URB1: variants seen among roughly 807,000 people sequenced by gnomAD.
URB1 encodes the protein nucleolar pre-ribosomal-associated protein 1.
In URB1, 197 loss-of-function variants were observed where a neutral mutation model predicts 242.3. The observed-to-expected ratio is 0.81, with a 90% CI of 0.72 to 0.91. URB1 has a LOEUF of 0.91. URB1 is among the 40% of genes least tolerant of loss of function. The pLI is 0.00. For synonymous variants in URB1, 1,153 were observed against 1,201.8 expected, an observed-to-expected ratio of 0.96 and a Z score of 0.84; for missense variants, 2,721 against 2,860.5, an observed-to-expected ratio of 0.95 and a Z score of 1.11.
In URB1 at chr21:32,338,761, G is replaced by A. The variant is rs1460110472; in HGVS notation, c.4456C>T (p.Leu1486=). The A allele has an allele frequency of 6.4e-7, 1 of 1,551,590 alleles. No individual in the cohort carries two copies. Among genetic ancestry groups the A allele is most frequent in the African/African-American group, 1.4e-5 (1 of 73,034 alleles). Residue 1486 remains leucine (L), a synonymous_variant, in exon 26 of 39, where the codon CTG becomes TTG. Coordinates refer to ENST00000382751, the MANE Select transcript of URB1 (RefSeq NM_014825.3). The part of the protein sequence containing the change: ...YVMLMQHSLF[L]PTLLTSDGEE... ...CCGTCAGACGTCAGTAGAGTCGGCA[G>A]AAACAGCGAGTGCTGCATGAGCATC...
In URB1 at chr21:32,366,667, G is replaced by T. The variant is rs2033350400; in HGVS notation, c.1286C>A (p.Thr429Asn). 3 of 1,551,382 alleles carry T rather than the reference G, an allele frequency of 1.9e-6. No individual in the cohort carries two copies. The African/African-American group carries it at 4.1e-5, about 21-fold the overall frequency. ...LPRLLAMVMV[T>N]TVPLVCNKSM... ...CTTATTGCACACCAGGGGCACGGTG[G>T]TCACCATCACCATTGCCAGGAGCCG... is the stretch of plus-strand genomic sequence containing the variant. The change falls in exon 10 of 39, where the codon ACC becomes AAC. Residue 429 changes from threonine (T) to asparagine (N), a missense_variant. Coordinates refer to ENST00000382751, the MANE Select transcript of URB1 (RefSeq NM_014825.3).
rs777077799 is a variant in URB1, at chr21:32,311,965, C to T, written c.*2953G>A. ...AGGAGCAAGCCCAGCGAGCCTCCCCCTGGAGACAGGACCTCTCAATTGCAG... is the reference window on the plus strand; with the variant it reads ...AGGAGCAAGCCCAGCGAGCCTCCCCTTGGAGACAGGACCTCTCAATTGCAG... On this transcript the variant is annotated 3_prime_UTR_variant, in exon 39 of 39. Coordinates refer to ENST00000382751, the MANE Select transcript of URB1 (RefSeq NM_014825.3). 1 of 1,613,494 alleles carries T rather than the reference C, an allele frequency of 6.2e-7. No individual in the cohort carries two copies. The highest frequency in any genetic ancestry group is 1.7e-5 in the Admixed American group (1 of 60,034).
chr21:32,312,209 G>A lies in URB1; in HGVS notation c.*2709C>T. The A allele has an allele frequency of 6.8e-7, 1 of 1,481,308 alleles. No individual in the cohort carries two copies. The highest frequency in any genetic ancestry group is 8.9e-7 in the Non-Finnish European group (1 of 1,117,948). The allele number at this position is 1,481,308 out of a possible 1,614,324, so 91.8% of individuals were successfully genotyped here. On this transcript the variant is annotated 3_prime_UTR_variant, in exon 39 of 39. Transcript: ENST00000382751. ...TCCCAGGTGTTGCTGAGTTTATTGA[G>A]CACACCTAGCCTGCTTGCTTACTGC...
chr21:32,320,423 G>T, intron 35 of URB1, 108 bp downstream of exon 35: 1 of 829,172 alleles, frequency 1.2e-6, no homozygotes. Flanking sequence ...CAGAGAGCAT[G>T]GATTTTACTG....
rs535953099 is a variant in URB1, at chr21:32,373,668, A to G, written c.855T>C (p.Asp285=). 3.2e-6 allele frequency: 5 copies of G among 1,540,176 alleles called. No homozygotes were observed. Among genetic ancestry groups the G allele is most frequent in the Non-Finnish European group, 1.7e-6 (2 of 1,143,528 alleles). ...ASLYNWNGIT[D]VNPENVKVSA... The stretch of plus-strand genomic sequence containing the variant: ...GCACCTTGACATTTTCTGGGTTCAC[A>G]TCGGTAATCCCATTCCAGTTGTACA... The change falls in exon 7 of 39, where the codon GAT becomes GAC. Residue 285 remains aspartate, a synonymous_variant. Coordinates refer to ENST00000382751, the MANE Select transcript of URB1 (RefSeq NM_014825.3).
chr21:32,372,779 A>C (rs1156658484), intron 7 of URB1, 148 bp from the exon 8 acceptor site: 1 of 967,182 alleles, frequency 1.0e-6, no homozygotes, highest in African/African-American at 1.7e-5. Context: ...ATAAATGAAA[A>C]CAACAACAAA....
chr21:32,366,652 A>C lies in URB1; in HGVS notation c.1301T>G (p.Val434Gly), dbSNP rs546702302. The C allele has an allele frequency of 2.1e-5, 33 of 1,551,480 alleles. No homozygotes were observed. In the South Asian group the frequency reaches 3.8e-4, roughly 18 times the overall value. Residue 434 changes from valine (V) to glycine (G), a missense_variant, in exon 10 of 39, where the codon GTG becomes GGG. Coordinates refer to ENST00000382751, the MANE Select transcript of URB1 (RefSeq NM_014825.3). The stretch of plus-strand genomic sequence containing the variant: ...TTGGGTGAACATGCTCTTATTGCAC[A>C]CCAGGGGCACGGTGGTCACCATCAC... ...AMVMVTTVPL[V>G]CNKSMFTQAL...
At chr21:32,337,569 C>T (rs1188182560) in intron 26 of URB1, 55 bp from the exon 27 acceptor site, 14 of 1,443,154 alleles carry the variant, frequency 9.7e-6, no homozygotes, top group Non-Finnish European at 1.2e-5. Context: ...ACACTGAATA[C>T]CAGAAGAGGA....
At chr21:32,321,290 C>T (rs774403304) in intron 34 of URB1, among the ~76,000 whole-genome samples, 1 of 152,188 alleles carries the variant, frequency 6.6e-6, no homozygotes, top group Non-Finnish European at 1.5e-5. Context: ...TTAGAAGGTA[C>T]ACACACCAGC....
intron 4 of URB1, among the ~76,000 whole-genome samples, chr21:32,382,594 C>T (rs1234603360): frequency 6.6e-6 from 1 of 152,122 alleles, no homozygotes; most frequent in East Asian, 1.9e-4. Flanking sequence ...TAATGTGGTT[C>T]TCCACCGCAG....
At chr21:32,350,226 G>A (rs1057078285) in intron 20 of URB1, among the ~76,000 whole-genome samples, 1 of 152,048 alleles carries the variant, frequency 6.6e-6, no homozygotes, top group Non-Finnish European at 1.5e-5. Context: ...GTGAGCCCAG[G>A]AGTTTGAGAC....
intron 30 of URB1, among the ~76,000 whole-genome samples, chr21:32,325,698 G>A (rs62216161): frequency 0.011 from 1,611 of 152,278 alleles, 41 homozygotes; most frequent in African/African-American, 0.037. Context: ...GACCCACTGC[G>A]GAGACCCCAG....
intron 30 of URB1, among the ~76,000 whole-genome samples, chr21:32,328,212 A>C (rs1187274935): frequency 5.3e-5 from 8 of 152,216 alleles, no homozygotes; most frequent in Non-Finnish European, 8.8e-5. Context: ...ATCTTGGCTC[A>C]CTGTAACCTC....
chr21:32,333,200 A>G (rs1317889145), intron 30 of URB1, 117 bp downstream of exon 30: 1 of 857,730 alleles, frequency 1.2e-6, no homozygotes, highest in Non-Finnish European at 1.9e-6. Flanking sequence ...ATCCTTTAAG[A>G]ATTATTTCCA....
intron 5 of URB1, chr21:32,377,407 A>G: frequency 2.2e-6 from 1 of 462,296 alleles, no homozygotes; most frequent in South Asian, 1.6e-5. Flanking sequence ...CCCCTTCAAC[A>G]GTGTAAATGG....
chr21:32,350,750 T>C lies in URB1; in HGVS notation c.2786A>G (p.Lys929Arg), dbSNP rs147782087. ...GCTCCGCAGGTAGAGCAACACCTGC[T>C]TGGCCGCGAGCAGGACCTGCTGCAT... is the stretch of plus-strand genomic sequence containing the variant. ...LSMQQVLLAA[K>R]QVLLYLRSTV... The change falls in exon 20 of 39, where the codon AAG becomes AGG. Residue 929 changes from lysine (K) to arginine (R), a missense_variant. Physicochemically the swap from Lys to Arg is conservative, Grantham distance 26. Transcript: ENST00000382751. 7 of 1,551,386 alleles carry C rather than the reference T, an allele frequency of 4.5e-6. No homozygotes were observed. The highest frequency in any genetic ancestry group is 3.6e-5 in the South Asian group (3 of 84,060).
intron 7 of URB1, among the ~76,000 whole-genome samples, chr21:32,373,011 A>C (rs1250295050): frequency 6.6e-6 from 1 of 152,184 alleles, no homozygotes; most frequent in Non-Finnish European, 1.5e-5. Context: ...AGGAGGTGAA[A>C]TATTAGGCTC....
intron 18 of URB1, among the ~76,000 whole-genome samples, chr21:32,353,636 A>G (rs1443214975): frequency 2.0e-5 from 3 of 152,230 alleles, no homozygotes; most frequent in Non-Finnish European, 4.4e-5. Flanking sequence ...CAACGTATCA[A>G]GAATAAATGT....
chr21:32,376,304 T>C (rs1460923008), intron 5 of URB1, among the ~76,000 whole-genome samples: 1 of 152,204 alleles, frequency 6.6e-6, no homozygotes, highest in East Asian at 1.9e-4. Context: ...TTGACACTGT[T>C]ATCATTATTA....
Sources: gnomAD v4.1 joint callset for allele counts (sites outside exome capture counted in the v4.1 genomes callset) on GRCh38, gnomAD v4.1.1 for gene constraint, MANE v1.5 for transcripts, NCBI Gene and HGNC (gene_info 2026-07-23, HGNC 2026-07-21) for gene names.